The following SLC30A3 variants were observed in gnomAD, a reference collection of about 807,000 sequenced individuals.
SLC30A3 encodes solute carrier family 30 member 3, also known as probable proton-coupled zinc antiporter SLC30A3.
Under a neutral mutation model 35.6 loss-of-function variants are expected in SLC30A3, and 20 were observed. That is an observed-to-expected ratio of 0.56 (90% CI 0.39 to 0.82). The LOEUF is 0.82. SLC30A3 is among the 40% of genes least tolerant of loss of function. The pLI is 0.00. For synonymous variants in SLC30A3, 217 were observed against 224.7 expected, an observed-to-expected ratio of 0.97 and a Z score of 0.31; for missense variants, 401 against 530.6, an observed-to-expected ratio of 0.76 and a Z score of 2.40.
chr2:27,274,196 G>C (rs1029426891), intron 1 of SLC30A3, among the ~76,000 whole-genome samples: 1 of 152,132 alleles, frequency 6.6e-6, no homozygotes, highest in Non-Finnish European at 1.5e-5. Context: ...GTGGTGGCAG[G>C]CACCTGTAAT....
intron 1 of SLC30A3, among the ~76,000 whole-genome samples, chr2:27,270,746 C>T (rs1011190441): frequency 9.2e-5 from 14 of 152,126 alleles, no homozygotes; most frequent in African/African-American, 3.4e-4. Flanking sequence ...GGACATGAAG[C>T]AGTCTCCTTT....
upstream of SLC30A3, chr2:27,264,070 G>A: frequency 1.6e-6 from 2 of 1,288,338 alleles, no homozygotes; most frequent in Non-Finnish European, 2.0e-6. The surrounding 1 kb of genome is among the most constrained non-coding windows in gnomAD (Gnocchi z 6.1). Context: ...CTCTCCCCTC[G>A]CACCTGCCGC....
chr2:27,258,699 G>C lies in SLC30A3; in HGVS notation c.277+54C>G. The C allele has an allele frequency of 6.3e-7, 1 of 1,580,326 alleles. No homozygotes were observed. Among genetic ancestry groups the C allele is most frequent in the Non-Finnish European group, 8.7e-7 (1 of 1,151,132 alleles). On this transcript the variant is annotated intron_variant, in intron 2 of 7. Coordinates refer to ENST00000233535, the MANE Select transcript of SLC30A3 (RefSeq NM_003459.5). The surrounding 1 kb of genome is among the most constrained non-coding windows in gnomAD (Gnocchi z 4.0). ...ACATTCCTGGGACTCTGGGTGGAGA[G>C]TGGCTTGGGCAGGTATTTGGAGAAT... is the stretch of plus-strand genomic sequence containing the variant.
chr2:27,275,363 G>A, upstream of SLC30A3: 2 of 518,910 alleles, frequency 3.9e-6, no homozygotes, highest in South Asian at 1.7e-5. Flanking sequence ...GCTTCCCTGC[G>A]CGCGAAATAA....
chr2:27,272,331 C>T (rs991973460), intron 1 of SLC30A3, among the ~76,000 whole-genome samples: 8 of 152,124 alleles, frequency 5.3e-5, no homozygotes, highest in African/African-American at 1.9e-4. Context: ...AGCCCAACCT[C>T]CAGGTTACAT....
At chr2:27,267,886 G>GT (rs1349002873), upstream of SLC30A3, among the ~76,000 whole-genome samples, 6 of 149,680 alleles carry the variant, frequency 4.0e-5, no homozygotes, top group African/African-American at 1.5e-4. Context: ...AGTGAGCCGA[G>GT]ATCTTGCCAC....
rs1171942931 is a variant in SLC30A3 at position 27,255,286 on chromosome 2, C to A, written c.*26G>T. 1.9e-6 allele frequency: 3 copies of A among 1,612,236 alleles called. No individual in the cohort carries two copies. The highest frequency in any genetic ancestry group is 1.7e-6 in the Non-Finnish European group (2 of 1,179,060). On this transcript the variant is annotated 3_prime_UTR_variant, in exon 8 of 8. Transcript: ENST00000233535. This position sits in a 1 kb window ranked among gnomAD's most constrained non-coding sequence, Gnocchi z 5.2. Reference sequence around the variant, plus strand: ...AGTCTGGGGCTGAGCCTCGGCCTGGCAGTGGGGTGAGGGCAGGGCCATGGC... The same window carrying A: ...AGTCTGGGGCTGAGCCTCGGCCTGGAAGTGGGGTGAGGGCAGGGCCATGGC...
chr2:27,270,946 T>TCAG (rs1677704980), intron 1 of SLC30A3, among the ~76,000 whole-genome samples: 1 of 152,126 alleles, frequency 6.6e-6, no homozygotes, highest in Admixed American at 6.6e-5. Context: ...CTTTGGTCTG[T>TCAG]CTGTAGATTT....
chr2:27,262,863 A>G lies in SLC30A3; in HGVS notation c.44T>C (p.Leu15Pro). 1.3e-6 allele frequency: 2 copies of G among 1,566,124 alleles called. No individual in the cohort carries two copies. Among genetic ancestry groups the G allele is most frequent in the East Asian group, 2.6e-5 (1 of 38,748 alleles). ...GCCACCGCGGTCCCGGGGGCTCACCAGGCGAGTGGTCTCCAAGCCCCCAGC... is the reference window on the plus strand; with the variant it reads ...GCCACCGCGGTCCCGGGGGCTCACCGGGCGAGTGGTCTCCAAGCCCCCAGC... ...PAAGGLETTRLVSPRDRGGAG... is the reference protein window; with the variant it reads ...PAAGGLETTRPVSPRDRGGAG... Residue 15 changes from leucine to proline, a missense_variant, in exon 1 of 8, where the codon CTG becomes CCG. By Grantham distance (98) the Leu-to-Pro change is moderately conservative (BLOSUM62 -3). Around this residue, in one of 3 missense-constraint regions of SLC30A3, gnomAD observed 103 missense variants for 120.7 expected, o/e 0.85. Transcript: ENST00000233535. The surrounding 1 kb of genome is among the most constrained non-coding windows in gnomAD (Gnocchi z 7.5).
chr2:27,256,909 C>A lies in SLC30A3; in HGVS notation c.778-16G>T, dbSNP rs10210843. The A allele has an allele frequency of 0.025, 38,884 of 1,565,792 alleles. 2,888 individuals carry two copies. The African/African-American group carries it at 0.27, about 11-fold the overall frequency. ...TGTATTGAGGCTGCAGAGAAAGAGA[C>A]CCCTAAGCCCAACAACCAGGGACCT... is the stretch of plus-strand genomic sequence containing the variant. On this transcript the variant is annotated splice_polypyrimidine_tract_variant and intron_variant, in intron 5 of 7. Transcript: ENST00000233535.
chr2:27,266,592 T>C (rs1572487598), upstream of SLC30A3, among the ~76,000 whole-genome samples: 1 of 152,212 alleles, frequency 6.6e-6, no homozygotes, highest in African/African-American at 2.4e-5. Flanking sequence ...GTTTGAATTT[T>C]TCTATTAAAA....
In SLC30A3 at chr2:27,256,240, GTA is replaced by G. The variant is rs1491409662; in HGVS notation, c.1018+144_1018+145del. 2.3e-5 allele frequency: 20 copies of G among 868,918 alleles called. No homozygotes were observed. The African/African-American group carries it at 3.0e-4, about 13-fold the overall frequency. The allele number at this position is 868,918 out of a possible 1,614,324, so 53.8% of individuals were successfully genotyped here. A position where few individuals can be genotyped will look rare whatever the true frequency, so the allele number is the denominator to read the frequency against. On this transcript the variant is annotated intron_variant, in intron 7 of 7. Coordinates refer to ENST00000233535, the MANE Select transcript of SLC30A3 (RefSeq NM_003459.5). Reference sequence around the variant, plus strand: ...AGCGCACGTGCATGTGTGTGTGTGTGTATGTGTCTATGTGAGAGAGAGAGACA... The same window carrying G: ...AGCGCACGTGCATGTGTGTGTGTGTGTGTGTCTATGTGAGAGAGAGAGACA...
At chr2:27,273,047 A>ATATAT (rs1183623727) in intron 1 of SLC30A3, among the ~76,000 whole-genome samples, 1 of 145,404 alleles carries the variant, frequency 6.9e-6, no homozygotes, top group African/African-American at 2.7e-5. Flanking sequence ...CAAAAAAAAA[A>ATATAT]AAAAATATAT....
upstream of SLC30A3, among the ~76,000 whole-genome samples, chr2:27,267,457 C>T (rs1045668085): frequency 2.6e-5 from 4 of 152,180 alleles, no homozygotes; most frequent in Admixed American, 6.5e-5. Flanking sequence ...CATTCCCCAG[C>T]CATCCTGGCC....
At position 27,255,478 on chromosome 2, in the gene SLC30A3, G is replaced by A. The variant is rs767366375; in HGVS notation, c.1019-18C>T. 3.1e-6 allele frequency: 5 copies of A among 1,611,058 alleles called. No homozygotes were observed. The highest frequency in any genetic ancestry group is 2.2e-5 in the East Asian group (1 of 44,816). On this transcript the variant is annotated intron_variant, in intron 7 of 7. Transcript: ENST00000233535. This position sits in a 1 kb window ranked among gnomAD's most constrained non-coding sequence, Gnocchi z 5.2. Reference sequence around the variant, plus strand: ...GGTGGAGTCTGTGGGAGAGTGATAAGAGGCGGCATCCATCCCGGGGGAGAA... The same window carrying A: ...GGTGGAGTCTGTGGGAGAGTGATAAAAGGCGGCATCCATCCCGGGGGAGAA...
rs199836418 is a variant in SLC30A3 at position 27,262,794 on chromosome 2, A to G, written c.95+18T>C. On this transcript the variant is annotated intron_variant, in intron 1 of 7. Transcript: ENST00000233535. This position sits in a 1 kb window ranked among gnomAD's most constrained non-coding sequence, Gnocchi z 7.5. ...GGGTGGCGCCCCCGGGCCGAGGGCC[A>G]GCCCAGGTCTGTCCTACCTCTTCAA... 29 of 1,536,482 alleles carry G rather than the reference A, an allele frequency of 1.9e-5. No individual in the cohort carries two copies. In the African/African-American group the frequency reaches 3.9e-4, roughly 21 times the overall value.
chr2:27,272,229 G>C (rs1356742238), intron 1 of SLC30A3, among the ~76,000 whole-genome samples: 1 of 152,166 alleles, frequency 6.6e-6, no homozygotes, highest in Non-Finnish European at 1.5e-5. Flanking sequence ...TCTGTATCAT[G>C]GTTTCTTCTT....
chr2:27,265,545 G>C (rs994448715), upstream of SLC30A3, among the ~76,000 whole-genome samples: 3 of 152,184 alleles, frequency 2.0e-5, no homozygotes, highest in Non-Finnish European at 4.4e-5. The surrounding 1 kb of genome is among the most constrained non-coding windows in gnomAD (Gnocchi z 5.9). Context: ...ATGTGGACAA[G>C]AGTTAACACC....
chr2:27,264,249 A>G, upstream of SLC30A3: 3 of 395,096 alleles, frequency 7.6e-6, no homozygotes, highest in South Asian at 5.5e-5. The surrounding 1 kb of genome is among the most constrained non-coding windows in gnomAD (Gnocchi z 6.1). Context: ...CGCATCCTTC[A>G]GAACACACTG....
Sources: gnomAD v4.1 joint callset for allele counts (sites outside exome capture counted in the v4.1 genomes callset) on GRCh38, gnomAD v4.1.1 for gene constraint, gnomAD v4.1.1 regional missense constraint, Gnocchi (gnomAD v3.1) non-coding constraint, MANE v1.5 for transcripts, NCBI Gene and HGNC (gene_info 2026-07-23, HGNC 2026-07-21) for gene names.